The following GNAO1 variants were observed in gnomAD, a reference collection of about 807,000 sequenced individuals.
The protein encoded by GNAO1 is G protein subunit alpha o1, also known as guanine nucleotide-binding protein G(o) subunit alpha.
For synonymous variants in GNAO1, 164 were observed against 180.7 expected (o/e 0.91, Z 0.74); for missense variants, 166 against 478.7 (o/e 0.35, Z 6.10).
At position 56,336,723 on chromosome 16, in the gene GNAO1, T is replaced by C; in HGVS notation, c.594-8T>C. On this transcript the variant is annotated splice_polypyrimidine_tract_variant and splice_region_variant and intron_variant, in intron 5 of 8. Transcript: ENST00000262493. ...ACCCTGCGCCTACCAGCTCCCTGCC[T>C]CCTACAGGCTGTTTGACGTCGGAGG... 2 of 1,607,760 alleles carry C rather than the reference T, an allele frequency of 1.2e-6. No homozygotes were observed. The highest frequency in any genetic ancestry group is 1.7e-6 in the Non-Finnish European group (2 of 1,177,618).
intron 3 of GNAO1, among the ~76,000 whole-genome samples, chr16:56,318,004 ACC>A (rs2037529172): frequency 6.6e-6 from 1 of 152,116 alleles, no homozygotes; most frequent in Admixed American, 6.5e-5. Flanking sequence ...TGCCTGCAGC[ACC>A]CCAGTTGTTG....
intron 2 of GNAO1, among the ~76,000 whole-genome samples, chr16:56,266,942 C>T (rs1300451220): frequency 6.6e-6 from 1 of 151,916 alleles, no homozygotes; most frequent in East Asian, 1.9e-4. Context: ...CTAGAAAGCC[C>T]TCCCAGTCCC....
At chr16:56,277,245 G>A (rs1004072956) in intron 3 of GNAO1, among the ~76,000 whole-genome samples, 5 of 152,172 alleles carry the variant, frequency 3.3e-5, no homozygotes, top group African/African-American at 1.2e-4. Flanking sequence ...CCCATCTGCC[G>A]CTCCTCCTGG....
At chr16:56,247,797 A>G (rs2036763187) in intron 2 of GNAO1, among the ~76,000 whole-genome samples, 1 of 152,236 alleles carries the variant, frequency 6.6e-6, no homozygotes, top group African/African-American at 2.4e-5. Context: ...CCTGCCTAAG[A>G]TAGAGGATTG....
chr16:56,278,254 A>T (rs1249464549), intron 3 of GNAO1, among the ~76,000 whole-genome samples: 1 of 152,214 alleles, frequency 6.6e-6, no homozygotes, highest in Admixed American at 6.5e-5. Context: ...CAGTTCCGTT[A>T]TGGCAGGTGG....
At chr16:56,231,248 TC>T (rs2036586418) in intron 2 of GNAO1, among the ~76,000 whole-genome samples, 3 of 152,186 alleles carry the variant, frequency 2.0e-5, no homozygotes, top group South Asian at 2.1e-4. Flanking sequence ...CCCTCTGAAA[TC>T]CACCGTGGGG....
At chr16:56,316,077 G>A (rs1472042407) in intron 3 of GNAO1, among the ~76,000 whole-genome samples, 1 of 151,774 alleles carries the variant, frequency 6.6e-6, no homozygotes, top group Non-Finnish European at 1.5e-5. Flanking sequence ...AAAAGAGTGA[G>A]CAGGGCCTCC....
chr16:56,228,923 A>G (rs1596809346), intron 2 of GNAO1, among the ~76,000 whole-genome samples: 1 of 152,220 alleles, frequency 6.6e-6, no homozygotes, highest in African/African-American at 2.4e-5. Context: ...GTTGTTATAC[A>G]TGTTTGTTAG....
intron 2 of GNAO1, among the ~76,000 whole-genome samples, chr16:56,233,390 TATGGAG>T (rs1362941892): frequency 6.6e-6 from 1 of 152,192 alleles, no homozygotes; most frequent in Non-Finnish European, 1.5e-5. Flanking sequence ...GTCTTCTATG[TATGGAG>T]AGCAATACAC....
intron 2 of GNAO1, among the ~76,000 whole-genome samples, chr16:56,252,308 C>T (rs542465469): frequency 4.6e-5 from 7 of 152,308 alleles, no homozygotes; most frequent in South Asian, 2.1e-4. Context: ...CCAAGGCTGG[C>T]CCCCTAGATG....
intron 2 of GNAO1, among the ~76,000 whole-genome samples, chr16:56,244,891 T>C (rs2036728580): frequency 6.6e-6 from 1 of 152,198 alleles, no homozygotes; most frequent in Admixed American, 6.5e-5. Flanking sequence ...TCCCACTGAA[T>C]AGCACCTTCT....
intron 6 of GNAO1, chr16:56,345,563 C>T: frequency 1.0e-6 from 1 of 985,532 alleles, no homozygotes; most frequent in Non-Finnish European, 1.2e-6. Flanking sequence ...GGGACCGGTG[C>T]CTGGGGAGCC....
At chr16:56,315,282 C>G (rs150222445) in intron 3 of GNAO1, among the ~76,000 whole-genome samples, 1 of 152,304 alleles carries the variant, frequency 6.6e-6, no homozygotes, top group East Asian at 1.9e-4. Flanking sequence ...GAGATGAGGT[C>G]GGCCATTATC....
At chr16:56,199,839 A>G (rs1440509572) in intron 2 of GNAO1, among the ~76,000 whole-genome samples, 1 of 152,216 alleles carries the variant, frequency 6.6e-6, no homozygotes, top group African/African-American at 2.4e-5. Context: ...TACAGAGAAG[A>G]GGAAAAACAT....
In GNAO1 at chr16:56,278,566, G is replaced by A. The variant is rs548944918; in HGVS notation, c.303+2494G>A. Among the ~76,000 whole-genome samples the A allele has an allele frequency of 5.3e-5, 8 of 152,328 alleles. No homozygotes were observed. In the East Asian group the frequency reaches 1.5e-3, roughly 29 times the overall value. On this transcript the variant is annotated intron_variant, in intron 3 of 8. Coordinates refer to ENST00000262493, the MANE Select transcript of GNAO1 (RefSeq NM_020988.3). ...AGAAAGGGCTGCAGTACCTGCTGGT[G>A]TGGGGGCAGCTCAGAGCCAACATCC...
chr16:56,322,731 C>T (rs2037588082), intron 3 of GNAO1, among the ~76,000 whole-genome samples: 1 of 152,104 alleles, frequency 6.6e-6, no homozygotes. Context: ...TCCAGGCTCT[C>T]CTTACTGGCG....
chr16:56,221,355 G>A (rs2143366143), intron 2 of GNAO1, among the ~76,000 whole-genome samples: 1 of 152,146 alleles, frequency 6.6e-6, no homozygotes, highest in Non-Finnish European at 1.5e-5. Context: ...GATTTCAGAT[G>A]AAGAAGTCAT....
At chr16:56,210,000 C>G (rs1567439308) in intron 2 of GNAO1, among the ~76,000 whole-genome samples, 1 of 152,162 alleles carries the variant, frequency 6.6e-6, no homozygotes, top group Non-Finnish European at 1.5e-5. Context: ...ATTTTGGTAT[C>G]ATACAGAGTA....
chr16:56,244,002 T>C (rs2036718797), intron 2 of GNAO1, among the ~76,000 whole-genome samples: 1 of 152,142 alleles, frequency 6.6e-6, no homozygotes, highest in Non-Finnish European at 1.5e-5. Context: ...ATAAGGAAAA[T>C]GAGGCACAGA....
Sources: gnomAD v4.1 joint callset for allele counts (sites outside exome capture counted in the v4.1 genomes callset) on GRCh38, gnomAD v4.1.1 for gene constraint, MANE v1.5 for transcripts, NCBI Gene and HGNC (gene_info 2026-07-23, HGNC 2026-07-21) for gene names.